SUGCT: variants seen among roughly 807,000 people sequenced by gnomAD.
The protein encoded by SUGCT is succinyl-CoA:glutarate-CoA transferase, also known as succinyl-CoA:glutarate CoA-transferase.
A neutral mutation model predicts 55.0 loss-of-function variants in SUGCT; 41 were observed. The observed-to-expected ratio is 0.74, with a 90% CI of 0.58 to 0.97. The LOEUF (loss-of-function observed/expected upper bound fraction) is 0.97. Ranked by LOEUF, SUGCT falls within the 50% of genes least tolerant of loss-of-function variation. The pLI, the probability that SUGCT is intolerant of heterozygous loss-of-function variation, is 0.00. For synonymous variants in SUGCT, 187 were observed against 200.4 expected (o/e 0.93, Z 0.56); for missense variants, 568 against 547.8 (o/e 1.04, Z -0.37).
chr7:40,806,495 T>A (rs1355560039), intron 13 of SUGCT, among the ~76,000 whole-genome samples: 1 of 152,198 alleles, frequency 6.6e-6, no homozygotes, highest in African/African-American at 2.4e-5. Context: ...TTTTTACTTT[T>A]TTCCCTACAT....
the SUGCT span, among the ~76,000 whole-genome samples, chr7:40,890,172 T>C: frequency 6.8e-6 from 1 of 147,430 alleles, no homozygotes; most frequent in Non-Finnish European, 1.5e-5. Flanking sequence ...GCTGCTGAGT[T>C]TTTGAATTTA....
Position 40,339,382 on chromosome 7 carries a change from G to A in SUGCT, c.816+22527G>A, listed in dbSNP as rs371942254. ...AGGCAGGCAGGCCTCCTTGAGCTGCGGTGGGCTCCACCTGGTTCGAGCTTC... is the reference window on the plus strand; with the variant it reads ...AGGCAGGCAGGCCTCCTTGAGCTGCAGTGGGCTCCACCTGGTTCGAGCTTC... On this transcript the variant is annotated intron_variant, in intron 9 of 13. Transcript: ENST00000335693. Among the ~76,000 whole-genome samples the A allele has an allele frequency of 2.0e-3, 299 of 152,264 alleles. 12 individuals carry two copies. The South Asian group carries it at 0.059, about 30-fold the overall frequency.
At chr7:40,288,135 G>A (rs1188243492) in intron 8 of SUGCT, among the ~76,000 whole-genome samples, 1 of 152,026 alleles carries the variant, frequency 6.6e-6, no homozygotes, top group Admixed American at 6.6e-5. Context: ...GGTCTTTACG[G>A]TCTGTAGTTT....
intron 8 of SUGCT, among the ~76,000 whole-genome samples, chr7:40,275,779 G>T (rs1452489534): frequency 6.6e-6 from 1 of 152,042 alleles, no homozygotes; most frequent in Non-Finnish European, 1.5e-5. Context: ...TATCAGTTAT[G>T]TTGTGCTAAA....
chr7:40,236,523 T>C (rs1789024884), intron 6 of SUGCT, among the ~76,000 whole-genome samples: 1 of 151,962 alleles, frequency 6.6e-6, no homozygotes, highest in Non-Finnish European at 1.5e-5. Context: ...TTATTGTTTA[T>C]TTATGTCCAA....
intron 11 of SUGCT, among the ~76,000 whole-genome samples, chr7:40,469,721 GT>G: frequency 6.7e-6 from 1 of 149,768 alleles, no homozygotes; most frequent in African/African-American, 2.4e-5. Flanking sequence ...TGTCATCTCA[GT>G]TTTTTTTTTC....
At chr7:40,857,179 A>G (rs1794221175) in intron 13 of SUGCT, among the ~76,000 whole-genome samples, 1 of 152,196 alleles carries the variant, frequency 6.6e-6, no homozygotes, top group Non-Finnish European at 1.5e-5. Flanking sequence ...TAGATGAAAG[A>G]TCAGATTAGT....
At chr7:40,435,970 G>A (rs1265714547) in intron 9 of SUGCT, among the ~76,000 whole-genome samples, 2 of 114,376 alleles carry the variant, frequency 1.7e-5, no homozygotes, top group Non-Finnish European at 3.9e-5. Context: ...TTGAGATGGA[G>A]TCTTGCTCTG....
chr7:40,160,829 A>G (rs1283693128), intron 1 of SUGCT, among the ~76,000 whole-genome samples: 5 of 152,158 alleles, frequency 3.3e-5, no homozygotes, highest in African/African-American at 1.2e-4. Context: ...GTTAGGTTGC[A>G]GCAAACAAAC....
the SUGCT span, among the ~76,000 whole-genome samples, chr7:40,881,888 CATTA>C: frequency 4.6e-5 from 7 of 152,288 alleles, no homozygotes; most frequent in East Asian, 1.4e-3. Flanking sequence ...TCTAAAGTAA[CATTA>C]AGGACTAGGG....
chr7:40,969,738 CT>C, the SUGCT span, among the ~76,000 whole-genome samples: 7 of 152,166 alleles, frequency 4.6e-5, no homozygotes, highest in South Asian at 1.4e-3. Context: ...GTTTTTATGT[CT>C]GGTCATGGCT....
chr7:40,809,340 G>A (rs560746772), intron 13 of SUGCT, among the ~76,000 whole-genome samples: 1 of 152,028 alleles, frequency 6.6e-6, no homozygotes, highest in Non-Finnish European at 1.5e-5. Context: ...TACCATATAT[G>A]CCAATGATAT....
At chr7:40,984,971 A>G in the SUGCT span, among the ~76,000 whole-genome samples, 1 of 152,224 alleles carries the variant, frequency 6.6e-6, no homozygotes, top group Non-Finnish European at 1.5e-5. Flanking sequence ...TTCTAAATGA[A>G]TACATCTCAG....
At chr7:40,758,404 A>T (rs1409486167) in intron 13 of SUGCT, among the ~76,000 whole-genome samples, 1 of 152,166 alleles carries the variant, frequency 6.6e-6, no homozygotes, top group East Asian at 1.9e-4. Context: ...AAATGATTGT[A>T]GTTTAATTTT....
chr7:40,204,005 T>C (rs1437829870), intron 6 of SUGCT, among the ~76,000 whole-genome samples: 3 of 152,228 alleles, frequency 2.0e-5, no homozygotes, highest in Non-Finnish European at 4.4e-5. Context: ...TTTTTTTTTT[T>C]TGAGACAAAG....
chr7:40,541,002 G>T (rs1439520884), intron 12 of SUGCT, among the ~76,000 whole-genome samples: 1 of 152,104 alleles, frequency 6.6e-6, no homozygotes, highest in Non-Finnish European at 1.5e-5. Context: ...TGTTTCAGGT[G>T]CCATGGTAGG....
chr7:40,732,473 A>G (rs1200048751), intron 12 of SUGCT, among the ~76,000 whole-genome samples: 1 of 152,214 alleles, frequency 6.6e-6, no homozygotes, highest in Non-Finnish European at 1.5e-5. Context: ...TCAACCTGTT[A>G]TAGGCAGTGT....
intron 13 of SUGCT, among the ~76,000 whole-genome samples, chr7:40,798,563 A>G (rs2128749386): frequency 6.6e-6 from 1 of 152,328 alleles, no homozygotes; most frequent in Non-Finnish European, 1.5e-5. Context: ...TTAGCCAATA[A>G]TACATCCTGG....
At chr7:40,898,079 T>G in the SUGCT span, among the ~76,000 whole-genome samples, 1 of 152,134 alleles carries the variant, frequency 6.6e-6, no homozygotes, top group Admixed American at 6.5e-5. Flanking sequence ...CCACGCTGTC[T>G]TTATGAGCTG....
Sources: gnomAD v4.1 joint callset for allele counts (sites outside exome capture counted in the v4.1 genomes callset) on GRCh38, gnomAD v4.1.1 for gene constraint, MANE v1.5 for transcripts, NCBI Gene and HGNC (gene_info 2026-07-23, HGNC 2026-07-21) for gene names.